The following KIAA0753 variants were observed in gnomAD, a reference collection of about 807,000 sequenced individuals.
The protein encoded by KIAA0753 is protein moonraker.
Under a neutral mutation model 116.9 loss-of-function variants are expected in KIAA0753, and 114 were observed. The observed-to-expected ratio is 0.98, with a 90% confidence interval of 0.84 to 1.14. The LOEUF is 1.14. Ranked by LOEUF, KIAA0753 falls within the 50% of genes most tolerant of loss-of-function variation. The pLI is 0.00. For missense variants in KIAA0753, 1,156 were observed against 1,172.4 expected (o/e 0.99, Z 0.20); for synonymous variants, 405 against 413.1 (o/e 0.98, Z 0.24).
chr17:6,634,887 C>A, intron 2 of KIAA0753, 124 bp downstream of exon 2: 1 of 675,098 alleles, frequency 1.5e-6, no homozygotes, highest in South Asian at 2.0e-5. Context: ...GGTAGAAAAA[C>A]AGAAAAAATT....
At chr17:6,593,721 C>T (rs1194181565) in intron 16 of KIAA0753, among the ~76,000 whole-genome samples, 1 of 152,170 alleles carries the variant, frequency 6.6e-6, no homozygotes, top group Non-Finnish European at 1.5e-5. Flanking sequence ...CCTGTCTCTA[C>T]TACAATTAAA....
At chr17:6,633,058 G>A (rs1330040685) in intron 2 of KIAA0753, among the ~76,000 whole-genome samples, 1 of 152,252 alleles carries the variant, frequency 6.6e-6, no homozygotes, top group East Asian at 1.9e-4. Flanking sequence ...TTCTGATTCT[G>A]ATCATTGTAC....
intron 18 of KIAA0753, among the ~76,000 whole-genome samples, chr17:6,587,812 C>T (rs992653219): frequency 6.6e-6 from 1 of 152,140 alleles, no homozygotes; most frequent in African/African-American, 2.4e-5. Flanking sequence ...CACTTGAATA[C>T]AAGGAAATAA....
chr17:6,590,429 T>C, intron 17 of KIAA0753, 81 bp downstream of exon 17: 1 of 1,535,472 alleles, frequency 6.5e-7, no homozygotes, highest in Non-Finnish European at 8.9e-7. Context: ...GTCTGTCTTA[T>C]GGGAACTGAA....
intron 2 of KIAA0753, among the ~76,000 whole-genome samples, chr17:6,629,685 C>A (rs1971899194): frequency 6.6e-6 from 1 of 152,168 alleles, no homozygotes; most frequent in Non-Finnish European, 1.5e-5. Flanking sequence ...TGAACCCAGT[C>A]CTGTGATGCC....
intron 2 of KIAA0753, among the ~76,000 whole-genome samples, chr17:6,633,938 G>A (rs751606697): frequency 2.6e-5 from 4 of 152,010 alleles, no homozygotes; most frequent in Admixed American, 6.5e-5. Flanking sequence ...TAACAGAAAT[G>A]ATCTGTATCT....
chr17:6,598,268 C>T (rs956332569), intron 14 of KIAA0753, among the ~76,000 whole-genome samples: 1 of 152,136 alleles, frequency 6.6e-6, no homozygotes, highest in African/African-American at 2.4e-5. Flanking sequence ...GCATAAAACA[C>T]CAAGCCATAA....
chr17:6,601,069 G>T, intron 12 of KIAA0753: 1 of 152,730 alleles, frequency 6.5e-6, no homozygotes, highest in Non-Finnish European at 1.5e-5. Flanking sequence ...TGACTTCTAG[G>T]GCCAGCAGTG....
chr17:6,608,140 A>C (rs954588541), intron 10 of KIAA0753, among the ~76,000 whole-genome samples: 4 of 152,258 alleles, frequency 2.6e-5, no homozygotes, highest in African/African-American at 9.6e-5. Flanking sequence ...TGAATGAATA[A>C]GAAAAAATAG....
At chr17:6,623,238 G>A (rs1415093255) in intron 5 of KIAA0753, 141 bp from the exon 6 acceptor site, 2 of 881,740 alleles carry the variant, frequency 2.3e-6, no homozygotes, top group Non-Finnish European at 3.4e-6. Context: ...AGTAAAGGGA[G>A]TTGTAAAGTT....
At chr17:6,635,643 T>A (rs7214646) in intron 1 of KIAA0753, 84,468 of 152,240 alleles carry the variant, frequency 0.55, 23,968 homozygotes, top group African/African-American at 0.61. Context: ...ACCTGTAGCA[T>A]CAGAATTCCT....
chr17:6,596,073 T>C (rs1969455165), intron 15 of KIAA0753, 85 bp downstream of exon 15: 2 of 1,311,284 alleles, frequency 1.5e-6, no homozygotes, highest in East Asian at 4.6e-5. Context: ...CTCTAACAGA[T>C]GAGGCTGCAG....
chr17:6,601,626 C>G (rs1009465852), intron 12 of KIAA0753, among the ~76,000 whole-genome samples: 1 of 152,144 alleles, frequency 6.6e-6, no homozygotes, highest in African/African-American at 2.4e-5. Flanking sequence ...GAATTTCGAC[C>G]AGTATTTCAT....
At chr17:6,605,363 G>A (rs934146316) in intron 12 of KIAA0753, among the ~76,000 whole-genome samples, 3 of 152,144 alleles carry the variant, frequency 2.0e-5, no homozygotes, top group African/African-American at 4.8e-5. Context: ...GCTTCCTCCC[G>A]AAGTCCAGTG....
intron 15 of KIAA0753, 117 bp from the exon 16 acceptor site, chr17:6,595,170 C>A: frequency 2.9e-6 from 2 of 688,188 alleles, no homozygotes; most frequent in South Asian, 3.6e-5. Flanking sequence ...TACTGCCAGA[C>A]ATGGGCACCT....
Position 6,596,359 on chromosome 17 carries a change from G to T in KIAA0753, c.2173-16C>A, listed in dbSNP as rs940246252. On this transcript the variant is annotated splice_polypyrimidine_tract_variant and intron_variant, in intron 14 of 18. Coordinates refer to ENST00000361413, the MANE Select transcript of KIAA0753 (RefSeq NM_014804.3). ...CAGCTGCAACCTACAAGATGGGGTG[G>T]GGTGGGGAGGAGAGGCATGGGGTGG... 1.7e-5 allele frequency: 28 copies of T among 1,605,658 alleles called. No individual in the cohort carries two copies. The highest frequency in any genetic ancestry group is 2.3e-5 in the Non-Finnish European group (27 of 1,174,266).
chr17:6,591,184 T>C (rs1217565089), intron 16 of KIAA0753, among the ~76,000 whole-genome samples: 2 of 152,228 alleles, frequency 1.3e-5, no homozygotes. Flanking sequence ...TGCATGATGA[T>C]TGTCAAAACA....
rs571041154 is a variant in KIAA0753, at chr17:6,593,517, A to C, written c.2440+1455T>G. Among the ~76,000 whole-genome samples, 405 of 152,002 alleles carry C rather than the reference A, an allele frequency of 2.7e-3. 3 individuals are homozygous for C. Among genetic ancestry groups the C allele is most frequent in the African/African-American group, 9.5e-3 (392 of 41,368 alleles). ...ACACCTGGAATCCCAGCACTTCAGGAGGCCAGGCGCAATGGCTCACACCTG... is the reference window on the plus strand; with the variant it reads ...ACACCTGGAATCCCAGCACTTCAGGCGGCCAGGCGCAATGGCTCACACCTG... On this transcript the variant is annotated intron_variant, in intron 16 of 18. Transcript: ENST00000361413.
chr17:6,593,156 G>C (rs1012219556), intron 16 of KIAA0753, among the ~76,000 whole-genome samples: 3 of 152,190 alleles, frequency 2.0e-5, no homozygotes, highest in Admixed American at 6.5e-5. Context: ...GAAGTTCTAT[G>C]ACTCAAAAAG....
Sources: gnomAD v4.1 joint callset for allele counts (sites outside exome capture counted in the v4.1 genomes callset) on GRCh38, gnomAD v4.1.1 for gene constraint, MANE v1.5 for transcripts, NCBI Gene and HGNC (gene_info 2026-07-23, HGNC 2026-07-21) for gene names.